Variants in XPO7 observed in about 807,000 individuals in gnomAD.
The protein encoded by XPO7 is exportin-7.
A neutral mutation model predicts 144.3 loss-of-function variants in XPO7; 21 were observed. The observed-to-expected ratio is 0.15, with a 90% confidence interval of 0.10 to 0.21. The LOEUF is 0.21. Ranked by LOEUF, XPO7 falls within the 10% of genes least tolerant of loss-of-function variation. The pLI is 1.00. For synonymous variants in XPO7, 580 were observed against 499.6 expected, an observed-to-expected ratio of 1.16 and a Z score of -2.15; for missense variants, 808 against 1,325.8, an observed-to-expected ratio of 0.61 and a Z score of 6.06.
chr8:21,981,607 A>T, intron 9 of XPO7, 124 bp from the exon 10 acceptor site: 1 of 1,187,428 alleles, frequency 8.4e-7, no homozygotes, highest in South Asian at 1.6e-5. Context: ...CTGAATCATG[A>T]CCTGCAGCCC....
chr8:21,945,681 C>T (rs1319875369), intron 1 of XPO7, among the ~76,000 whole-genome samples: 1 of 152,156 alleles, frequency 6.6e-6, no homozygotes, highest in Non-Finnish European at 1.5e-5. Context: ...AGGAAAATTC[C>T]TTGGGAGCAA....
At chr8:21,922,887 G>C (rs1314763038) in intron 1 of XPO7, among the ~76,000 whole-genome samples, 1 of 152,162 alleles carries the variant, frequency 6.6e-6, no homozygotes, top group African/African-American at 2.4e-5. Context: ...TTGCAAAGTA[G>C]TCATAGTTTG....
Position 21,970,196 on chromosome 8 carries a change from G to A in XPO7, c.312G>A (p.Val104=), listed in dbSNP as rs1585452740. 6.2e-7 allele frequency: 1 copy of A among 1,613,638 alleles called. No homozygotes were observed. Among genetic ancestry groups the A allele is most frequent in the South Asian group, 1.1e-5 (1 of 91,024 alleles). The change falls in exon 4 of 28, where the codon GTG becomes GTA. Residue 104 remains valine (V), a synonymous_variant. Coordinates refer to ENST00000252512, the MANE Select transcript of XPO7 (RefSeq NM_015024.5). ...LATRPKLATF[V]TQALIQLYAR... is the part of the protein sequence containing the mutation. ...CTCGGCCGAAGTTGGCTACTTTCGT[G>A]ACACAAGCACTTATTCAGTTATATG...
At chr8:21,972,313 A>G (rs1470373560) in intron 5 of XPO7, among the ~76,000 whole-genome samples, 1 of 152,114 alleles carries the variant, frequency 6.6e-6, no homozygotes, top group Non-Finnish European at 1.5e-5. Context: ...CCCTGTTTCT[A>G]CTAAAAATAC....
At position 21,919,744 on chromosome 8, in the gene XPO7, G is replaced by A. The variant is rs1467151271; in HGVS notation, c.-27G>A. On this transcript the variant is annotated 5_prime_UTR_variant, in exon 1 of 28. Transcript: ENST00000252512. ...AGGTGCGCGCTGGGGGGGAGGGGGG[G>A]CCGGAGAGGAGCATGAATGGAGCAA... 2.3e-5 allele frequency: 8 copies of A among 342,288 alleles called. No homozygotes were observed. The highest frequency in any genetic ancestry group is 3.7e-5 in the Non-Finnish European group (8 of 216,736). The allele number at this position is 342,288 out of a possible 1,614,324, so 21.2% of individuals were successfully genotyped here.
rs1462438962 is a variant in XPO7, at chr8:21,995,522, G to A, written c.2268G>A (p.Arg756=). The change falls in exon 21 of 28, where the codon CGG becomes CGA. Residue 756 remains arginine (R), a synonymous_variant. Transcript: ENST00000252512. ...IYPSYMPILQ[R]AIELWYHDPA... ...CATCCTATATGCCAATTCTCCAACG[G>A]GCAATTGAGCTCTGGTACCATGATC... The A allele has an allele frequency of 6.2e-7, 1 of 1,609,890 alleles. No individual in the cohort carries two copies. The highest frequency in any genetic ancestry group is 1.7e-5 in the Admixed American group (1 of 59,524).
Position 21,990,357 on chromosome 8 carries a change from A to C in XPO7, c.1882A>C (p.Arg628=). Residue 628 remains arginine (R), a synonymous_variant, in exon 17 of 28, where the codon AGG becomes CGG. Transcript: ENST00000252512. ...CTTTGTCTTCACGTACAGTAGCGTA[A>C]GGAAGCTAGTGAAGCTTAGTGCGGT... ...NDLSIGYSSV[R]KLVKLSAVQF... The C allele has an allele frequency of 1.2e-6, 2 of 1,613,778 alleles. No homozygotes were observed. The highest frequency in any genetic ancestry group is 8.5e-7 in the Non-Finnish European group (1 of 1,179,710).
In XPO7 at chr8:21,970,316, G is replaced by A. The variant is rs1812013534; in HGVS notation, c.426+6G>A. 2 of 1,612,142 alleles carry A rather than the reference G, an allele frequency of 1.2e-6. No individual in the cohort carries two copies. Among genetic ancestry groups the A allele is most frequent in the Non-Finnish European group, 1.7e-6 (2 of 1,179,198 alleles). ...ACGTCACAAGGTTTTTACAGGTACAGTGTATATATTTGATGTAATGGGAAT... is the reference window on the plus strand; with the variant it reads ...ACGTCACAAGGTTTTTACAGGTACAATGTATATATTTGATGTAATGGGAAT... On this transcript the variant is annotated splice_donor_region_variant and intron_variant, in intron 4 of 27. Transcript: ENST00000252512.
In XPO7 at chr8:22,000,453, A is replaced by ATTT. The variant is rs34272523; in HGVS notation, c.2782+796_2782+798dup. On this transcript the variant is annotated intron_variant, in intron 24 of 27. Transcript: ENST00000252512. Reference sequence around the variant, plus strand: ...TTTGTTTCTAGGCTACCTTCCAACAATTTTTTTTTTTTTTTTTTTGAGACG... The same window carrying ATTT: ...TTTGTTTCTAGGCTACCTTCCAACAATTTTTTTTTTTTTTTTTTTTTTGAGACG... 6.3e-3 allele frequency among the ~76,000 whole-genome samples: 811 copies of ATTT among 128,708 alleles called. 21 individuals are homozygous for ATTT. The highest frequency in any genetic ancestry group is 8.3e-3 in the Admixed American group (103 of 12,422). 84.4% of individuals were successfully genotyped at this position (128,708 alleles called of 152,430 possible). A position where few individuals can be genotyped will look rare whatever the true frequency, so the allele number is the denominator to read the frequency against.
At chr8:21,931,321 C>T (rs1399686749) in intron 1 of XPO7, among the ~76,000 whole-genome samples, 3 of 152,120 alleles carry the variant, frequency 2.0e-5, no homozygotes, top group Admixed American at 6.5e-5. Context: ...TGCCACCACA[C>T]GCAGTTAATT....
intron 21 of XPO7, among the ~76,000 whole-genome samples, chr8:21,997,642 G>A (rs988448571): frequency 6.6e-6 from 1 of 152,190 alleles, no homozygotes; most frequent in Non-Finnish European, 1.5e-5. Flanking sequence ...GCAGTAGTGA[G>A]GAGTGGGCAT....
intron 5 of XPO7, among the ~76,000 whole-genome samples, chr8:21,973,890 C>A (rs1812143509): frequency 6.6e-6 from 1 of 152,222 alleles, no homozygotes; most frequent in Non-Finnish European, 1.5e-5. Flanking sequence ...AATACAACTA[C>A]TTAAATTAAG....
chr8:21,929,326 A>G (rs1373059849), intron 1 of XPO7, among the ~76,000 whole-genome samples: 1 of 152,234 alleles, frequency 6.6e-6, no homozygotes, highest in African/African-American at 2.4e-5. Context: ...TCGTCCTCTC[A>G]GATGTGTGTG....
At chr8:21,932,063 G>A (rs1250012556) in intron 1 of XPO7, among the ~76,000 whole-genome samples, 4 of 152,006 alleles carry the variant, frequency 2.6e-5, no homozygotes, top group East Asian at 1.9e-4. Context: ...TAGTAGAGAC[G>A]GAGTTTCACC....
At chr8:21,921,206 A>G (rs6986264) in intron 1 of XPO7, among the ~76,000 whole-genome samples, 152,267 of 152,340 alleles carry the variant, frequency 1, 76,097 homozygotes, top group Non-Finnish European at 1. Context: ...TCTAAGAAGC[A>G]TGAAATATTT....
chr8:21,986,551 A>G (rs181962341), intron 13 of XPO7, among the ~76,000 whole-genome samples: 192 of 152,306 alleles, frequency 1.3e-3, no homozygotes, highest in African/African-American at 4.3e-3. Context: ...AATCCTGACA[A>G]AAGTCTCCGT....
At chr8:21,941,730 T>G (rs1486043233) in intron 1 of XPO7, among the ~76,000 whole-genome samples, 2 of 152,078 alleles carry the variant, frequency 1.3e-5, no homozygotes, top group African/African-American at 4.8e-5. Context: ...TAAAAGGTAT[T>G]TTCGTTTGTT....
At chr8:21,934,004 C>T (rs1389074184) in intron 1 of XPO7, among the ~76,000 whole-genome samples, 1 of 152,108 alleles carries the variant, frequency 6.6e-6, no homozygotes, top group Non-Finnish European at 1.5e-5. Flanking sequence ...TACAAGTAAA[C>T]ATGCTTAAGG....
intron 5 of XPO7, 139 bp downstream of exon 5, chr8:21,972,080 T>C: frequency 1.4e-6 from 1 of 713,260 alleles, no homozygotes; most frequent in South Asian, 1.8e-5. Flanking sequence ...TGAAACAAAA[T>C]AGTTCCATTG....
Sources: gnomAD v4.1 joint callset for allele counts (sites outside exome capture counted in the v4.1 genomes callset) on GRCh38, gnomAD v4.1.1 for gene constraint, MANE v1.5 for transcripts, NCBI Gene and HGNC (gene_info 2026-07-23, HGNC 2026-07-21) for gene names.